Variants in KLK4 observed in about 807,000 individuals in gnomAD.
KLK4 encodes the protein kallikrein-4.
Under a neutral mutation model 24.3 loss-of-function variants are expected in KLK4, and 24 were observed. The ratio of observed to expected loss-of-function variants is 0.99; its 90% CI spans 0.72 to 1.39. The LOEUF (loss-of-function observed/expected upper bound fraction) is 1.39. Ranked by LOEUF, KLK4 falls within the 40% of genes most tolerant of loss-of-function variation. The probability of loss-of-function intolerance (pLI) is 0.00; values close to 1 mark genes in which losing one functional copy is unlikely to be tolerated. For missense variants in KLK4, 344 were observed against 327.4 expected, an observed-to-expected ratio of 1.05 and a Z score of -0.39; for synonymous variants, 142 against 138.8, an observed-to-expected ratio of 1.02 and a Z score of -0.16.
exon 6 of KLK4, chr19:50,906,912 C>A: frequency 1.2e-6 from 2 of 1,614,016 alleles, no homozygotes; most frequent in Non-Finnish European, 1.7e-6. Flanking sequence ...GGGTCAATTT[C>A]ATGGGTTCCC....
chr19:50,908,243 C>T lies in KLK4; in HGVS notation c.612+116G>A, dbSNP rs968970948. The T allele has an allele frequency of 1.7e-4, 207 of 1,215,368 alleles. 1 individual carries two copies. Among genetic ancestry groups the T allele is most frequent in the South Asian group, 8.5e-5 (7 of 82,444 alleles). 75.3% of individuals were successfully genotyped at this position (1,215,368 alleles called of 1,614,324 possible). A position where few individuals can be genotyped will look rare whatever the true frequency, so the allele number is the denominator to read the frequency against. ...TCTCAGTTTCTCTCTCTAGTTGTCA[C>T]TGTCTCCCTGTGTGTCTCTCCATCT... is the stretch of plus-strand genomic sequence containing the variant. On this transcript the variant is annotated intron_variant, in intron 5 of 5. Coordinates refer to ENST00000324041, the Ensembl canonical transcript of KLK4.
rs1032204251 is a variant in KLK4, at chr19:50,910,845, G to T, written c.-11-96C>A. 144 of 1,092,468 alleles carry T rather than the reference G, an allele frequency of 1.3e-4. No individual in the cohort carries two copies. Among genetic ancestry groups the T allele is most frequent in the Admixed American group, 6.2e-4 (31 of 50,344 alleles). 67.7% of individuals were successfully genotyped at this position (1,092,468 alleles called of 1,614,324 possible). A position where few individuals can be genotyped will look rare whatever the true frequency, so the allele number is the denominator to read the frequency against. ...TCCCTCCCTTTCTTCCCTCTGGGAC[G>T]TTATTAGGTAGGCAAGAGCCTAGAC... On this transcript the variant is annotated intron_variant, in intron 1 of 5. Transcript: ENST00000324041. The surrounding 1 kb of genome is among the most constrained non-coding windows in gnomAD (Gnocchi z 4.4).
exon 6 of KLK4, chr19:50,906,892 A>G (rs774518298): frequency 6.2e-7 from 1 of 1,612,170 alleles, no homozygotes; most frequent in South Asian, 1.1e-5. Flanking sequence ...CTTCCGCAGG[A>G]TGTATTTGGG....
At chr19:50,907,552 G>A (rs969321132) in intron 5 of KLK4, among the ~76,000 whole-genome samples, 13 of 151,696 alleles carry the variant, frequency 8.6e-5, no homozygotes, top group African/African-American at 2.9e-4. Flanking sequence ...GATTACAGGC[G>A]CCTGCCACCA....
rs2090474809 is a variant in KLK4 at position 50,910,123 on chromosome 19, G to C, written c.61+555C>G. On this transcript the variant is annotated intron_variant, in intron 2 of 5. Coordinates refer to ENST00000324041, the Ensembl canonical transcript of KLK4. This position sits in a 1 kb window ranked among gnomAD's most constrained non-coding sequence, Gnocchi z 4.4. ...TTAAAGCTCAGGGGGTGGAGTTGTT[G>C]CTGGGAGCAAGGATCGGGTCACTTG... Among the ~76,000 whole-genome samples the C allele has an allele frequency of 6.6e-6, 1 of 152,012 alleles. No homozygotes were observed. The highest frequency in any genetic ancestry group is 1.9e-4 in the East Asian group (1 of 5,180).
rs1440091366 is a variant in KLK4 at position 50,908,241 on chromosome 19, C to T, written c.612+118G>A. 5 of 1,193,968 alleles carry T rather than the reference C, an allele frequency of 4.2e-6. No individual in the cohort carries two copies. In the African/African-American group the frequency reaches 4.5e-5, roughly 11 times the overall value. 74.0% of individuals were successfully genotyped at this position (1,193,968 alleles called of 1,614,324 possible). A position where few individuals can be genotyped will look rare whatever the true frequency, so the allele number is the denominator to read the frequency against. On this transcript the variant is annotated intron_variant, in intron 5 of 5. Transcript: ENST00000324041. ...TCTCTCAGTTTCTCTCTCTAGTTGT[C>T]ACTGTCTCCCTGTGTGTCTCTCCAT... is the stretch of plus-strand genomic sequence containing the variant.
chr19:50,911,009 T>C (rs953021330), intron 1 of KLK4, among the ~76,000 whole-genome samples: 1 of 152,014 alleles, frequency 6.6e-6, no homozygotes, highest in Admixed American at 6.6e-5. Flanking sequence ...AGAAAGCATC[T>C]AGCCATCTGT....
At chr19:50,908,377 G>T in exon 5 of KLK4, 1 of 1,613,618 alleles carries the variant, frequency 6.2e-7, no homozygotes, top group Non-Finnish European at 8.5e-7. Flanking sequence ...AGTCCTTCTG[G>T]TCTTGCCCTC....
chr19:50,909,121 G>A, intron 3 of KLK4, 131 bp downstream of exon 3: 7 of 1,562,906 alleles, frequency 4.5e-6, no homozygotes, highest in Non-Finnish European at 6.1e-6. Context: ...GGGCTCCCCG[G>A]ATCCAGGCTC....
chr19:50,909,403 A>G, exon 3 of KLK4: 1 of 1,614,076 alleles, frequency 6.2e-7, no homozygotes, highest in Non-Finnish European at 8.5e-7. Flanking sequence ...CAGCTACCAG[A>G]GACGAGCGAT....
chr19:50,908,213 G>T, intron 5 of KLK4, 146 bp downstream of exon 5: 2 of 947,992 alleles, frequency 2.1e-6, no homozygotes, highest in Non-Finnish European at 3.3e-6. Flanking sequence ...TTATTTCTCT[G>T]TTTCTCTCAG....
exon 6 of KLK4, chr19:50,906,950 G>A (rs374440536): frequency 1.9e-6 from 3 of 1,614,058 alleles, no homozygotes; most frequent in East Asian, 2.2e-5. Flanking sequence ...GGCCTGGACG[G>A]TTTTCTCTAT....
Position 50,908,831 on chromosome 19 carries a change from T to G in KLK4, c.225-2A>C, listed in dbSNP as rs1480571117. On this transcript the variant is annotated splice_acceptor_variant, in intron 3 of 5. Transcript: ENST00000324041. LOFTEE classifies it high-confidence loss of function. ...AGGCCCAGCCCGATGGTGTAGGAGC[T>G]GTGGGCCACGGAGGGCAGGTCAGTT... is the stretch of plus-strand genomic sequence containing the variant. 6.2e-7 allele frequency: 1 copy of G among 1,611,694 alleles called. No individual in the cohort carries two copies. Among genetic ancestry groups the G allele is most frequent in the South Asian group, 1.1e-5 (1 of 91,074 alleles).
At chr19:50,906,515 C>A in exon 6 of KLK4, 1 of 247,694 alleles carries the variant, frequency 4.0e-6, no homozygotes, top group Non-Finnish European at 7.4e-6. Context: ...GGGACCTGGA[C>A]CTCTGGGTCT....
chr19:50,907,424 T>G (rs2090443637), intron 5 of KLK4, among the ~76,000 whole-genome samples: 1 of 110,844 alleles, frequency 9.0e-6, no homozygotes. Flanking sequence ...TTTTTTTTTT[T>G]GAGACAGAGT....
chr19:50,907,007 A>G (rs1442197331), exon 6 of KLK4: 1 of 1,614,136 alleles, frequency 6.2e-7, no homozygotes, highest in Non-Finnish European at 8.5e-7. Flanking sequence ...TGGCACGCCA[A>G]CTTGGCCACA....
Position 50,910,645 on chromosome 19 carries a change from C to A in KLK4, c.61+33G>T, listed in dbSNP as rs1487394517. The stretch of plus-strand genomic sequence containing the variant: ...CATTAACAAACACTGTGCCCCCAAG[C>A]ACGGACAGACACACACACGCATACT... On this transcript the variant is annotated intron_variant, in intron 2 of 5. Transcript: ENST00000324041. This position sits in a 1 kb window ranked among gnomAD's most constrained non-coding sequence, Gnocchi z 4.4. The A allele has an allele frequency of 6.5e-7, 1 of 1,544,392 alleles. No homozygotes were observed. Among genetic ancestry groups the A allele is most frequent in the South Asian group, 1.2e-5 (1 of 83,920 alleles).
exon 4 of KLK4, chr19:50,908,753 G>C: frequency 1.2e-6 from 2 of 1,614,068 alleles, no homozygotes; most frequent in Non-Finnish European, 1.7e-6. Flanking sequence ...CGTACGGAGA[G>C]GCTGGCCTCC....
chr19:50,907,925 A>G (rs2090447963), intron 5 of KLK4: 1 of 285,262 alleles, frequency 3.5e-6, no homozygotes, highest in Admixed American at 4.9e-5. Context: ...TAGCTTAGAA[A>G]TATCAAAAAA....
Sources: gnomAD v4.1 joint callset for allele counts (sites outside exome capture counted in the v4.1 genomes callset) on GRCh38, gnomAD v4.1.1 for gene constraint, Gnocchi (gnomAD v3.1) non-coding constraint, MANE v1.5 for transcripts, NCBI Gene and HGNC (gene_info 2026-07-23, HGNC 2026-07-21) for gene names.